Variants in ZMYM2 observed in about 807,000 individuals in gnomAD.
The protein encoded by ZMYM2 is zinc finger MYM-type containing 2.
In ZMYM2, 56 loss-of-function variants were observed where a neutral mutation model predicts 162.8. That is an observed-to-expected ratio of 0.34 (90% CI 0.28 to 0.43). The LOEUF (loss-of-function observed/expected upper bound fraction) is 0.43. ZMYM2 is among the 20% of genes least tolerant of loss of function. ZMYM2 has a pLI of 1.00. For missense variants in ZMYM2, 1,275 were observed against 1,621.8 expected (o/e 0.79, Z 3.67); for synonymous variants, 510 against 541.6 (o/e 0.94, Z 0.81).
the ZMYM2 span, among the ~76,000 whole-genome samples, chr13:19,898,455 G>C: frequency 2.0e-5 from 3 of 151,900 alleles, no homozygotes; most frequent in Non-Finnish European, 4.4e-5. Flanking sequence ...GGATGGTCTC[G>C]ATCTCCTGAC....
chr13:20,042,457 T>C (rs1376653464), intron 12 of ZMYM2, among the ~76,000 whole-genome samples: 1 of 152,166 alleles, frequency 6.6e-6, no homozygotes, highest in African/African-American at 2.4e-5. Context: ...AAGCTCCTGC[T>C]TACCTTGTTC....
the ZMYM2 span, among the ~76,000 whole-genome samples, chr13:19,935,220 T>C: frequency 6.6e-6 from 1 of 152,130 alleles, no homozygotes; most frequent in South Asian, 2.1e-4. Flanking sequence ...CTGCAATACC[T>C]GCCTCCAGGT....
At chr13:19,971,263 T>TATA (rs60439404) in intron 2 of ZMYM2, among the ~76,000 whole-genome samples, 278 of 64,532 alleles carry the variant, frequency 4.3e-3, no homozygotes, top group African/African-American at 0.012. Context: ...TATATATATA[T>TATA]TTTTTTTTTT....
chr13:19,881,998 AAAAAT>A, the ZMYM2 span, among the ~76,000 whole-genome samples: 923 of 151,376 alleles, frequency 6.1e-3, 1 homozygote, highest in Non-Finnish European at 8.5e-3. Context: ...AAAAAAAAAA[AAAAAT>A]TTGTATATTT....
At chr13:20,075,062 T>C (rs1453883864) in intron 21 of ZMYM2, among the ~76,000 whole-genome samples, 4 of 152,202 alleles carry the variant, frequency 2.6e-5, no homozygotes, top group Non-Finnish European at 4.4e-5. Flanking sequence ...TTAAAAGTAA[T>C]CCTGAAACTC....
chr13:19,957,422 C>G (rs1954609973), upstream of ZMYM2, among the ~76,000 whole-genome samples: 1 of 152,218 alleles, frequency 6.6e-6, no homozygotes, highest in South Asian at 2.1e-4. Flanking sequence ...CAGGGCGAGA[C>G]GAAAGCGACA....
the ZMYM2 span, among the ~76,000 whole-genome samples, chr13:19,926,876 C>T: frequency 2.6e-3 from 390 of 152,274 alleles, 1 homozygote; most frequent in African/African-American, 9.0e-3. Context: ...CCATATTGGC[C>T]AGTCTGGTCT....
At chr13:20,019,080 CA>C (rs373936842) in intron 6 of ZMYM2, among the ~76,000 whole-genome samples, 11 of 127,340 alleles carry the variant, frequency 8.6e-5, no homozygotes, top group East Asian at 2.2e-4. Context: ...AACTCCATCT[CA>C]AAAAAAAAAA....
At chr13:20,001,394 G>GA (rs61504250) in intron 3 of ZMYM2, among the ~76,000 whole-genome samples, 179 of 108,976 alleles carry the variant, frequency 1.6e-3, no homozygotes, top group Middle Eastern at 8.9e-3. Flanking sequence ...TGTCTCAAAA[G>GA]AAAAAAAAAA....
the ZMYM2 span, among the ~76,000 whole-genome samples, chr13:19,929,448 CA>C: frequency 2.6e-5 from 4 of 152,232 alleles, no homozygotes; most frequent in African/African-American, 7.2e-5. Flanking sequence ...CCAAGTTAGC[CA>C]GGATGGTCTC....
At chr13:20,017,689 C>T (rs767876628) in intron 6 of ZMYM2, among the ~76,000 whole-genome samples, 3 of 151,316 alleles carry the variant, frequency 2.0e-5, no homozygotes, top group Non-Finnish European at 2.9e-5. Context: ...GTCTGTTTTT[C>T]GGGTTGGGTA....
At chr13:19,950,936 G>A in the ZMYM2 span, among the ~76,000 whole-genome samples, 28 of 152,352 alleles carry the variant, frequency 1.8e-4, no homozygotes, top group Non-Finnish European at 3.7e-4. Flanking sequence ...CCAGGAGGTG[G>A]CATGTAGCCC....
At chr13:20,035,287 G>A (rs572660903) in intron 11 of ZMYM2, among the ~76,000 whole-genome samples, 10 of 152,270 alleles carry the variant, frequency 6.6e-5, no homozygotes, top group Non-Finnish European at 1.0e-4. Flanking sequence ...CAACTAGTGC[G>A]TTCATTTACA....
chr13:19,956,529 C>G (rs576590553), upstream of ZMYM2, among the ~76,000 whole-genome samples: 1 of 152,288 alleles, frequency 6.6e-6, no homozygotes, highest in South Asian at 2.1e-4. Flanking sequence ...GTTCTAAATT[C>G]TCAACGAAAA....
At position 20,034,399 on chromosome 13, in the gene ZMYM2, G is replaced by A. The variant is rs752891176; in HGVS notation, c.2114G>A (p.Ser705Asn). 6.3e-7 allele frequency: 1 copy of A among 1,585,740 alleles called. No individual in the cohort carries two copies. The highest frequency in any genetic ancestry group is 8.5e-7 in the Non-Finnish European group (1 of 1,169,752). Residue 705 changes from serine (S) to asparagine (N), a missense_variant, in exon 11 of 25, where the codon AGT becomes AAT. Physicochemically the swap from Ser to Asn is conservative, Grantham distance 46. Transcript: ENST00000610343. ...TCTGGCGTTAAGAGACCTTTCTGTA[G>A]TGAAGGCAAGTTGCATATACAGTGT... ...NFSGVKRPFC[S>N]EGCKLLYKQD...
At chr13:20,029,750 G>GA (rs761400395) in intron 9 of ZMYM2, among the ~76,000 whole-genome samples, 4 of 151,892 alleles carry the variant, frequency 2.6e-5, no homozygotes, top group Non-Finnish European at 5.9e-5. Context: ...TTAGGAATTA[G>GA]AAAAAATCTG....
the ZMYM2 span, among the ~76,000 whole-genome samples, chr13:19,885,923 A>ATGTG: frequency 4.0e-5 from 4 of 99,766 alleles, 1 homozygote; most frequent in African/African-American, 7.7e-5. Context: ...ATACACATAT[A>ATGTG]TATGTGTATA....
At chr13:19,958,438 C>A (rs1353648624), upstream of ZMYM2, among the ~76,000 whole-genome samples, 1 of 151,974 alleles carries the variant, frequency 6.6e-6, no homozygotes, top group African/African-American at 2.4e-5. Context: ...GAATCTCGGG[C>A]TCCTGACCCT....
chr13:20,012,820 G>A (rs936491229), intron 6 of ZMYM2, among the ~76,000 whole-genome samples: 1 of 152,092 alleles, frequency 6.6e-6, no homozygotes, highest in East Asian at 1.9e-4. Flanking sequence ...TGATCTACAT[G>A]TGTGATCTTA....
Sources: allele counts gnomAD v4.1 joint callset (sites outside exome capture counted in the v4.1 genomes callset), GRCh38; gene constraint gnomAD v4.1.1; transcripts MANE v1.5; gene names NCBI Gene and HGNC (gene_info 2026-07-23, HGNC 2026-07-21).